DDAH1: variants seen among roughly 807,000 people sequenced by gnomAD.
The protein encoded by DDAH1 is N(G),N(G)-dimethylarginine dimethylaminohydrolase 1.
DDAH1 carries 19 observed loss-of-function variants against 28.8 expected under a neutral mutation model. The observed-to-expected ratio is 0.66, with a 90% CI of 0.46 to 0.97. The LOEUF (loss-of-function observed/expected upper bound fraction) is 0.97. Ranked by LOEUF, DDAH1 falls within the 50% of genes least tolerant of loss-of-function variation. The pLI is 0.00. For synonymous variants in DDAH1, 153 were observed against 154.4 expected (o/e 0.99, Z 0.07); for missense variants, 326 against 375.9 (o/e 0.87, Z 1.10).
At chr1:85,404,131 T>C (rs550817977) in intron 1 of DDAH1, among the ~76,000 whole-genome samples, 4 of 152,314 alleles carry the variant, frequency 2.6e-5, no homozygotes, top group African/African-American at 7.2e-5. Context: ...AAAAAAAGGC[T>C]TATGGAATTT....
At chr1:85,434,661 G>C (rs1653850043) in intron 1 of DDAH1, among the ~76,000 whole-genome samples, 1 of 151,920 alleles carries the variant, frequency 6.6e-6, no homozygotes, top group Admixed American at 6.6e-5. Flanking sequence ...CAAAGTGGTG[G>C]GATTACAGGA....
At chr1:85,392,594 A>T (rs944125991) in intron 1 of DDAH1, among the ~76,000 whole-genome samples, 28 of 151,982 alleles carry the variant, frequency 1.8e-4, no homozygotes, top group Non-Finnish European at 3.4e-4. Flanking sequence ...GGAGTTCGAG[A>T]CCAGTCTGGC....
chr1:85,537,730 T>G (rs867067318), intron 1 of DDAH1, among the ~76,000 whole-genome samples: 2 of 151,116 alleles, frequency 1.3e-5, no homozygotes, highest in African/African-American at 4.9e-5. Context: ...GGAAGCTTCT[T>G]AAAAATAAGA....
chr1:85,560,108 C>T (rs1557761574), intron 1 of DDAH1, among the ~76,000 whole-genome samples: 2 of 151,910 alleles, frequency 1.3e-5, no homozygotes, highest in Non-Finnish European at 2.9e-5. Context: ...ATGAAATAAA[C>T]AGCAGACTTT....
At chr1:85,329,161 G>C (rs1447166511) in intron 4 of DDAH1, among the ~76,000 whole-genome samples, 2 of 152,242 alleles carry the variant, frequency 1.3e-5, no homozygotes, top group Non-Finnish European at 2.9e-5. Context: ...ATACATTCCA[G>C]AGGAAGTGTT....
intron 1 of DDAH1, among the ~76,000 whole-genome samples, chr1:85,438,667 G>A (rs1342467888): frequency 6.6e-6 from 1 of 152,152 alleles, no homozygotes; most frequent in Non-Finnish European, 1.5e-5. Flanking sequence ...GCAAATTCAC[G>A]AGCAAATTAA....
At chr1:85,554,830 G>A (rs1366349360) in intron 1 of DDAH1, among the ~76,000 whole-genome samples, 2 of 152,176 alleles carry the variant, frequency 1.3e-5, no homozygotes, top group Admixed American at 1.3e-4. Flanking sequence ...CACATTGCCT[G>A]TCCTGAATCA....
chr1:85,415,319 G>A (rs555689713), intron 1 of DDAH1, among the ~76,000 whole-genome samples: 3 of 152,166 alleles, frequency 2.0e-5, no homozygotes, highest in South Asian at 4.2e-4. Context: ...CTGGCCAAGC[G>A]GCACTTTTAC....
intron 3 of DDAH1, 21 bp downstream of exon 3, chr1:85,351,485 C>T (rs373889635): frequency 2.5e-6 from 4 of 1,601,134 alleles, no homozygotes; most frequent in African/African-American, 1.3e-5. Context: ...TTGTGCCAGG[C>T]ATAAACTACC....
At chr1:85,505,765 T>A (rs1335842012) in intron 1 of DDAH1, among the ~76,000 whole-genome samples, 2 of 152,222 alleles carry the variant, frequency 1.3e-5, no homozygotes, top group African/African-American at 4.8e-5. Context: ...TTTTTAAAAC[T>A]AAACTTATTT....
intron 1 of DDAH1, among the ~76,000 whole-genome samples, chr1:85,460,567 C>A (rs1164998122): frequency 6.6e-6 from 1 of 152,050 alleles, no homozygotes; most frequent in Non-Finnish European, 1.5e-5. Flanking sequence ...AGGAGCAATC[C>A]TAGTCAACAG....
intron 2 of DDAH1, among the ~76,000 whole-genome samples, chr1:85,483,526 T>G (rs1369523581): frequency 6.6e-6 from 1 of 152,176 alleles, no homozygotes; most frequent in African/African-American, 2.4e-5. Context: ...GATGTGACAT[T>G]TTTTGGATTT....
chr1:85,505,924 T>C (rs1004749481), intron 1 of DDAH1, among the ~76,000 whole-genome samples: 2 of 152,198 alleles, frequency 1.3e-5, no homozygotes, highest in Non-Finnish European at 2.9e-5. Context: ...AATTCTTCTA[T>C]AGCATTACCT....
chr1:85,333,127 GGC>G (rs1183784636), intron 4 of DDAH1, among the ~76,000 whole-genome samples: 5 of 152,204 alleles, frequency 3.3e-5, no homozygotes, highest in African/African-American at 1.2e-4. Context: ...CCTGAGGACT[GGC>G]CCACCTGGCG....
chr1:85,404,597 C>T, intron 1 of DDAH1: 3 of 1,264,484 alleles, frequency 2.4e-6, no homozygotes, highest in Non-Finnish European at 3.0e-6. Context: ...GAATACAGAG[C>T]ATGTCTGCTG....
At chr1:85,546,335 C>T (rs1022485055) in intron 1 of DDAH1, among the ~76,000 whole-genome samples, 1 of 152,112 alleles carries the variant, frequency 6.6e-6, no homozygotes, top group African/African-American at 2.4e-5. Flanking sequence ...TCACCTTCTA[C>T]CATGGGATGA....
intron 1 of DDAH1, among the ~76,000 whole-genome samples, chr1:85,572,993 G>T (rs1045119357): frequency 3.3e-5 from 5 of 152,192 alleles, no homozygotes; most frequent in Admixed American, 3.3e-4. Flanking sequence ...AGAATAGAAA[G>T]TATTCTCTAG....
At chr1:85,565,987 A>C (rs1035508833) in intron 1 of DDAH1, among the ~76,000 whole-genome samples, 3 of 151,974 alleles carry the variant, frequency 2.0e-5, no homozygotes, top group Admixed American at 6.6e-5. Context: ...AGGCTGAGAC[A>C]GGAGAATCAC....
chr1:85,572,867 G>A (rs1183673333), intron 1 of DDAH1, among the ~76,000 whole-genome samples: 1 of 152,232 alleles, frequency 6.6e-6, no homozygotes, highest in African/African-American at 2.4e-5. Flanking sequence ...TGGTTTTTTA[G>A]ATAGTCACTG....
Sources: gnomAD v4.1 joint callset for allele counts (sites outside exome capture counted in the v4.1 genomes callset) on GRCh38, gnomAD v4.1.1 for gene constraint, MANE v1.5 for transcripts, NCBI Gene and HGNC (gene_info 2026-07-23, HGNC 2026-07-21) for gene names.